LAMB1: variants seen among roughly 807,000 people sequenced by gnomAD.
LAMB1 encodes the protein laminin subunit beta-1.
LAMB1 carries 121 observed loss-of-function variants against 222.3 expected under a neutral mutation model. The ratio of observed to expected loss-of-function variants is 0.54; its 90% CI spans 0.47 to 0.63. The LOEUF is 0.63. LAMB1 is among the 30% of genes least tolerant of loss of function. The pLI is 0.00. For synonymous variants in LAMB1, 794 were observed against 807.2 expected (o/e 0.98, Z 0.28); for missense variants, 2,172 against 2,240.8 (o/e 0.97, Z 0.62).
At chr7:108,000,677 G>A (rs1487295054) in intron 3 of LAMB1, among the ~76,000 whole-genome samples, 2 of 152,140 alleles carry the variant, frequency 1.3e-5, no homozygotes, top group Non-Finnish European at 2.9e-5. Flanking sequence ...CCAGACAGCT[G>A]GGACCACAGG....
chr7:107,985,951 C>A (rs1010082176), intron 7 of LAMB1, 71 bp downstream of exon 7: 3 of 1,231,916 alleles, frequency 2.4e-6, no homozygotes, highest in Non-Finnish European at 2.4e-6. Flanking sequence ...GAGCGGAACT[C>A]TGTCTCAAAA....
At chr7:107,982,939 A>G (rs974695368) in intron 7 of LAMB1, among the ~76,000 whole-genome samples, 1 of 152,174 alleles carries the variant, frequency 6.6e-6, no homozygotes, top group African/African-American at 2.4e-5. Context: ...TAAAGACAAC[A>G]CATCCTCCAA....
Position 107,974,829 on chromosome 7 carries a change from C to T in LAMB1, c.1482+157G>A, listed in dbSNP as rs78508064. Reference sequence around the variant, plus strand: ...AGGGATGGTGAACATCTTGTGAAATCATCCATTAGTAATTCCTATTGTGTG... The same window carrying T: ...AGGGATGGTGAACATCTTGTGAAATTATCCATTAGTAATTCCTATTGTGTG... On this transcript the variant is annotated intron_variant, in intron 12 of 33. Transcript: ENST00000222399. 0.1 allele frequency among the ~76,000 whole-genome samples: 15,296 copies of T among 152,282 alleles called. 800 individuals are homozygous for T. The highest frequency in any genetic ancestry group is 0.16 in the Admixed American group (2,404 of 15,298).
chr7:107,996,289 A>G (rs1305655849), intron 4 of LAMB1, among the ~76,000 whole-genome samples: 1 of 152,140 alleles, frequency 6.6e-6, no homozygotes, highest in East Asian at 1.9e-4. Context: ...ATAAAGCACT[A>G]CAGGCTTTTT....
At chr7:107,933,363 A>C (rs978419783) in intron 27 of LAMB1, among the ~76,000 whole-genome samples, 9 of 152,252 alleles carry the variant, frequency 5.9e-5, no homozygotes, top group Non-Finnish European at 1.0e-4. Flanking sequence ...AAATAAATAC[A>C]ATCAACTATT....
rs2032869416 is a variant in LAMB1 at position 107,937,224 on chromosome 7, G to A, written c.3815C>T (p.Ser1272Phe). The part of the protein sequence containing the change: ...EMMAQVEVKL[S>F]DTTSQSNSTA... ...GCTGTTGCTTTGGGAAGTTGTGTCA[G>A]ATAATTTCACTTCTACTTGAGCCAT... The change falls in exon 26 of 34, where the codon TCT becomes TTT. Residue 1272 changes from serine to phenylalanine, a missense_variant. By Grantham distance (155) the Ser-to-Phe change is radical. Coordinates refer to ENST00000222399, the MANE Select transcript of LAMB1 (RefSeq NM_002291.3). 1 of 1,613,832 alleles carries A rather than the reference G, an allele frequency of 6.2e-7. No homozygotes were observed. Among genetic ancestry groups the A allele is most frequent in the South Asian group, 1.1e-5 (1 of 91,082 alleles).
At position 107,970,869 on chromosome 7, in the gene LAMB1, A is replaced by G. The variant is rs192041953; in HGVS notation, c.1562+2123T>C. On this transcript the variant is annotated intron_variant, in intron 13 of 33. Coordinates refer to ENST00000222399, the MANE Select transcript of LAMB1 (RefSeq NM_002291.3). ...TGCCTCAGCCTCCCAAGTAGCTGAG[A>G]TTACAGGTAGGTGCCACCACGCCTG... Among the ~76,000 whole-genome samples the G allele has an allele frequency of 2.0e-4, 31 of 152,078 alleles. 1 individual carries two copies. In the Middle Eastern group the frequency reaches 0.01, roughly 50 times the overall value.
At chr7:107,931,579 A>G in intron 28 of LAMB1, 79 bp from the exon 29 acceptor site, 1 of 1,317,584 alleles carries the variant, frequency 7.6e-7, no homozygotes, top group Middle Eastern at 1.8e-4. Context: ...ATGGCTCAAA[A>G]ATGATGTTGA....
At chr7:107,983,863 G>C (rs1359662917) in intron 7 of LAMB1, among the ~76,000 whole-genome samples, 1 of 152,066 alleles carries the variant, frequency 6.6e-6, no homozygotes, top group Non-Finnish European at 1.5e-5. Context: ...AGATTAAAAT[G>C]TAATTGTGTA....
rs1327574505 is a variant in LAMB1, at chr7:107,926,282, C to G, written c.4965G>C (p.Val1655=). ...GGGCAGCTTTCCGCTTAAGTTCTTCCACATTCCTCTCTAACTCGCTGATGC... is the reference window on the plus strand; with the variant it reads ...GGGCAGCTTTCCGCTTAAGTTCTTCGACATTCCTCTCTAACTCGCTGATGC... The part of the protein sequence containing the change: ...SQRISELERN[V]EELKRKAAQN... Residue 1655 remains valine (V), a synonymous_variant, in exon 32 of 34, where the codon GTG becomes GTC. Coordinates refer to ENST00000222399, the MANE Select transcript of LAMB1 (RefSeq NM_002291.3). 6.2e-7 allele frequency: 1 copy of G among 1,613,858 alleles called. No individual in the cohort carries two copies. Among genetic ancestry groups the G allele is most frequent in the African/African-American group, 1.3e-5 (1 of 74,910 alleles).
At chr7:107,956,807 G>T (rs2033387531) in intron 20 of LAMB1, among the ~76,000 whole-genome samples, 2 of 152,160 alleles carry the variant, frequency 1.3e-5, no homozygotes, top group Non-Finnish European at 2.9e-5. Context: ...TCCAAACTCA[G>T]GCAGGGATGG....
rs566055806 is a variant in LAMB1 at position 107,940,156 on chromosome 7, G to A, written c.3594C>T (p.His1198=). 4.0e-4 allele frequency: 643 copies of A among 1,614,154 alleles called. 8 individuals carry two copies. In the South Asian group the frequency reaches 6.9e-3, roughly 17 times the overall value. The change falls in exon 25 of 34, where the codon CAC becomes CAT. Residue 1198 remains histidine (H), a synonymous_variant. Coordinates refer to ENST00000222399, the MANE Select transcript of LAMB1 (RefSeq NM_002291.3). ...AGGCCTTGGCTTTCTCCAGGAATCT[G>A]TGTGTCCTGTTGGTCAGCTCGGCAA... is the stretch of plus-strand genomic sequence containing the variant. ...VIIAELTNRT[H]RFLEKAKALK... is the part of the protein sequence containing the mutation.
rs770574140 is a variant in LAMB1 at position 107,975,092 on chromosome 7, G to A, written c.1376C>T (p.Ala459Val). The change falls in exon 12 of 34, where the codon GCT becomes GTT. Residue 459 changes from alanine to valine, a missense_variant. Transcript: ENST00000222399. Reference sequence around the variant, plus strand: ...AGGAATTGTTCCCAGAGGATTGCAAGCACAAGCTGTATTAAAACAAAATGA... The same window carrying A: ...AGGAATTGTTCCCAGAGGATTGCAAACACAAGCTGTATTAAAACAAAATGA... ...SEDPFGCKSC[A>V]CNPLGTIPGG... 6.9e-6 allele frequency: 11 copies of A among 1,604,536 alleles called. No homozygotes were observed. The highest frequency in any genetic ancestry group is 9.4e-6 in the Non-Finnish European group (11 of 1,171,498).
chr7:107,994,850 T>C, intron 5 of LAMB1, 37 bp downstream of exon 5: 2 of 1,176,162 alleles, frequency 1.7e-6, no homozygotes. Context: ...CACAGTGCTC[T>C]CATGTGTCAT....
At chr7:107,968,351 A>G (rs1328265296) in intron 13 of LAMB1, among the ~76,000 whole-genome samples, 1 of 152,188 alleles carries the variant, frequency 6.6e-6, no homozygotes, top group African/African-American at 2.4e-5. Flanking sequence ...TCAGTAAGGG[A>G]GAATAAGGAC....
In LAMB1 at chr7:107,964,590, G is replaced by A; in HGVS notation, c.1660C>T (p.His554Tyr). 3 of 1,614,156 alleles carry A rather than the reference G, an allele frequency of 1.9e-6. No homozygotes were observed. Among genetic ancestry groups the A allele is most frequent in the Non-Finnish European group, 1.7e-6 (2 of 1,180,028 alleles). Residue 554 changes from histidine to tyrosine, a missense_variant, in exon 14 of 34, where the codon CAC becomes TAC. Physicochemically the swap from His to Tyr is moderately conservative, Grantham distance 83. Transcript: ENST00000222399. ...GCTTCCTCCGCTTCATAGAGGTAGT[G>A]ATCCAGGGTGGCAAAGTAGTAACCA... ...EPGYYFATLD[H>Y]YLYEAEEANL...
intron 24 of LAMB1, among the ~76,000 whole-genome samples, chr7:107,941,011 TC>T (rs766392053): frequency 1.3e-5 from 2 of 152,262 alleles, no homozygotes; most frequent in Non-Finnish European, 2.9e-5. Context: ...TTAAAGGCTT[TC>T]AACTAAGTAT....
intron 13 of LAMB1, among the ~76,000 whole-genome samples, chr7:107,968,472 G>C (rs2033677747): frequency 6.6e-6 from 1 of 152,218 alleles, no homozygotes. Flanking sequence ...GAACTTTGCA[G>C]ATGTGATTAA....
intron 26 of LAMB1, among the ~76,000 whole-genome samples, chr7:107,936,686 A>G (rs976848711): frequency 2.0e-5 from 3 of 152,224 alleles, no homozygotes; most frequent in African/African-American, 7.2e-5. Context: ...TGATATAAAT[A>G]ATGATTTGCA....
Sources: allele counts gnomAD v4.1 joint callset (sites outside exome capture counted in the v4.1 genomes callset), GRCh38; gene constraint gnomAD v4.1.1; transcripts MANE v1.5; gene names NCBI Gene and HGNC (gene_info 2026-07-23, HGNC 2026-07-21).